SDK1: variants seen among roughly 807,000 people sequenced by gnomAD.
SDK1 encodes the protein protein sidekick-1.
A neutral mutation model predicts 245.5 loss-of-function variants in SDK1; 157 were observed. The ratio of observed to expected loss-of-function variants is 0.64; its 90% CI spans 0.56 to 0.73. The LOEUF is 0.73. Ranked by LOEUF, SDK1 falls within the 30% of genes least tolerant of loss-of-function variation. The probability of loss-of-function intolerance (pLI) is 0.00; values close to 1 mark genes in which losing one functional copy is unlikely to be tolerated. For missense variants in SDK1, 3,583 were observed against 3,002.3 expected (o/e 1.19, Z -4.52); for synonymous variants, 1,647 against 1,278.5 (o/e 1.29, Z -6.15).
At chr7:3,880,577 T>C (rs1300838738) in intron 5 of SDK1, among the ~76,000 whole-genome samples, 2 of 116,760 alleles carry the variant, frequency 1.7e-5, no homozygotes, top group Non-Finnish European at 3.4e-5. Context: ...TTTAAGAACA[T>C]GCAGACAGGT....
intron 1 of SDK1, among the ~76,000 whole-genome samples, chr7:3,434,310 G>T (rs1779955803): frequency 6.6e-6 from 1 of 152,168 alleles, no homozygotes; most frequent in Admixed American, 6.5e-5. Context: ...TCAGGAGCCT[G>T]TAAGAGAATT....
At chr7:3,424,058 C>T (rs563302107) in intron 1 of SDK1, among the ~76,000 whole-genome samples, 8 of 152,006 alleles carry the variant, frequency 5.3e-5, no homozygotes, top group African/African-American at 1.2e-4. Flanking sequence ...ACTACAGGTG[C>T]GCGCCACCAT....
chr7:3,599,587 T>C (rs1781189541), intron 1 of SDK1, among the ~76,000 whole-genome samples: 1 of 152,258 alleles, frequency 6.6e-6, no homozygotes, highest in Admixed American at 6.5e-5. Flanking sequence ...TGAAATGTTT[T>C]ATGGTTCTAC....
At chr7:3,436,714 A>G (rs1780032088) in intron 1 of SDK1, among the ~76,000 whole-genome samples, 1 of 152,182 alleles carries the variant, frequency 6.6e-6, no homozygotes, top group African/African-American at 2.4e-5. Context: ...TAAAAGAAGT[A>G]ATTGCCACTA....
chr7:4,113,940 C>T, intron 24 of SDK1, 97 bp from the exon 25 acceptor site: 1 of 876,316 alleles, frequency 1.1e-6, no homozygotes, highest in Non-Finnish European at 1.8e-6. Flanking sequence ...ACACCTCCTC[C>T]ACGGAGTTGG....
chr7:3,883,307 C>T (rs1781252593), intron 5 of SDK1, among the ~76,000 whole-genome samples: 1 of 152,198 alleles, frequency 6.6e-6, no homozygotes. Flanking sequence ...TAGCCCTTTG[C>T]TCTGTCTCAA....
chr7:4,163,899 A>G (rs1396980967), intron 32 of SDK1, among the ~76,000 whole-genome samples: 1 of 152,182 alleles, frequency 6.6e-6, no homozygotes, highest in East Asian at 1.9e-4. Context: ...TCAACCTGAT[A>G]TCACTTGCTA....
intron 1 of SDK1, among the ~76,000 whole-genome samples, chr7:3,463,119 T>C (rs1259802726): frequency 6.6e-6 from 1 of 152,184 alleles, no homozygotes; most frequent in Non-Finnish European, 1.5e-5. Context: ...TCCTGTGCTT[T>C]AGATCTTAAC....
intron 5 of SDK1, among the ~76,000 whole-genome samples, chr7:3,910,556 A>T (rs1177187183): frequency 6.6e-6 from 1 of 152,172 alleles, no homozygotes; most frequent in South Asian, 2.1e-4. Context: ...CTTCGGCGCT[A>T]CCATCCTAGT....
At chr7:3,449,932 A>G (rs936090883) in intron 1 of SDK1, among the ~76,000 whole-genome samples, 3 of 152,142 alleles carry the variant, frequency 2.0e-5, no homozygotes, top group African/African-American at 7.2e-5. Context: ...CCAGGATGCC[A>G]TGAAAACGTA....
chr7:3,623,374 G>A (rs1387908953), intron 2 of SDK1, among the ~76,000 whole-genome samples: 1 of 151,084 alleles, frequency 6.6e-6, no homozygotes, highest in Non-Finnish European at 1.5e-5. Flanking sequence ...CTGCGTAGCT[G>A]GGACTACAGG....
chr7:3,684,371 G>A (rs1370707193), intron 4 of SDK1, among the ~76,000 whole-genome samples: 1 of 152,186 alleles, frequency 6.6e-6, no homozygotes, highest in African/African-American at 2.4e-5. Context: ...GTTGTAAAGT[G>A]CATACTGAAG....
At position 3,893,757 on chromosome 7, in the gene SDK1, T is replaced by A. The variant is rs538568813; in HGVS notation, c.848-57166T>A. Among the ~76,000 whole-genome samples the A allele has an allele frequency of 2.6e-5, 4 of 151,522 alleles. No individual in the cohort carries two copies. In the South Asian group the frequency reaches 8.4e-4, roughly 32 times the overall value. On this transcript the variant is annotated intron_variant, in intron 5 of 44. Transcript: ENST00000404826. ...TGCCCAGGGTCCCACATCTGTCTCTTCTCCACATCTTACCCTGCCTTCTCC... is the reference window on the plus strand; with the variant it reads ...TGCCCAGGGTCCCACATCTGTCTCTACTCCACATCTTACCCTGCCTTCTCC...
chr7:3,979,524 C>G (rs1339214001), intron 13 of SDK1, among the ~76,000 whole-genome samples: 2 of 152,160 alleles, frequency 1.3e-5, no homozygotes, highest in African/African-American at 4.8e-5. Flanking sequence ...GGGTAAGCCT[C>G]ACTCCACCTA....
intron 4 of SDK1, among the ~76,000 whole-genome samples, chr7:3,766,086 T>A (rs1340223350): frequency 6.6e-6 from 1 of 152,232 alleles, no homozygotes; most frequent in Non-Finnish European, 1.5e-5. Flanking sequence ...ATGACATTTC[T>A]GGCCGGTTGA....
intron 1 of SDK1, among the ~76,000 whole-genome samples, chr7:3,577,774 G>C (rs1025721390): frequency 6.6e-6 from 1 of 152,002 alleles, no homozygotes; most frequent in Non-Finnish European, 1.5e-5. Context: ...TTCAGCTTTT[G>C]TATGGTCATA....
At chr7:3,828,389 C>T (rs1038434486) in intron 5 of SDK1, among the ~76,000 whole-genome samples, 3 of 151,836 alleles carry the variant, frequency 2.0e-5, no homozygotes, top group African/African-American at 7.2e-5. Context: ...CTTCCATTTT[C>T]ATCTGTTGCT....
Position 3,619,077 on chromosome 7 carries a change from C to T in SDK1, c.299-3C>T, listed in dbSNP as rs1190699441. On this transcript the variant is annotated splice_polypyrimidine_tract_variant and splice_region_variant and intron_variant, in intron 1 of 44. Transcript: ENST00000404826. ...TGTTTTGTTTTGTTTTTTAATATTT[C>T]AGATGATGTTGCTCCATATTTTAAA... 4 of 1,567,816 alleles carry T rather than the reference C, an allele frequency of 2.6e-6. No homozygotes were observed. Among genetic ancestry groups the T allele is most frequent in the African/African-American group, 1.4e-5 (1 of 73,808 alleles).
chr7:4,088,657 G>C (rs1039819336), intron 22 of SDK1, among the ~76,000 whole-genome samples: 2 of 151,994 alleles, frequency 1.3e-5, no homozygotes, highest in Non-Finnish European at 2.9e-5. Context: ...TTGGTAAGGT[G>C]GTTCACACTG....
Sources: gnomAD v4.1 joint callset for allele counts (sites outside exome capture counted in the v4.1 genomes callset) on GRCh38, gnomAD v4.1.1 for gene constraint, MANE v1.5 for transcripts, NCBI Gene and HGNC (gene_info 2026-07-23, HGNC 2026-07-21) for gene names.